The following CIDEA variants were observed in gnomAD, a reference collection of about 807,000 sequenced individuals.
CIDEA encodes lipid transferase CIDEA.
CIDEA carries 10 observed loss-of-function variants against 18.2 expected under a neutral mutation model. The observed-to-expected ratio is 0.55, with a 90% confidence interval of 0.34 to 0.93. CIDEA has a LOEUF of 0.93. CIDEA is among the 40% of genes least tolerant of loss of function. The pLI is 0.02. For missense variants in CIDEA, 309 were observed against 293.1 expected, an observed-to-expected ratio of 1.05 and a Z score of -0.40; for synonymous variants, 128 against 124.8, an observed-to-expected ratio of 1.03 and a Z score of -0.17.
At chr18:12,264,952 C>G (rs960069825) in intron 3 of CIDEA, among the ~76,000 whole-genome samples, 1 of 152,246 alleles carries the variant, frequency 6.6e-6, no homozygotes, top group African/African-American at 2.4e-5. Context: ...AACTTAGTCT[C>G]TCTGTGAACT....
At chr18:12,268,229 C>CTTTGTTTTTTT (rs1491473988) in intron 3 of CIDEA, among the ~76,000 whole-genome samples, 1 of 72,998 alleles carries the variant, frequency 1.4e-5, no homozygotes. Flanking sequence ...CATGCCCGGC[C>CTTTGTTTTTTT]ATTTTTTTTT....
chr18:12,261,932 G>A (rs12968524), intron 1 of CIDEA, among the ~76,000 whole-genome samples: 57,535 of 151,518 alleles, frequency 0.38, 12,389 homozygotes, highest in East Asian at 0.62. Flanking sequence ...GGGAGGCTGA[G>A]GCAGGAGGGA....
rs1185681106 is a variant in CIDEA, at chr18:12,277,174, C to T, written c.564C>T (p.Leu188=). The change falls in exon 5 of 5, where the codon CTC becomes CTT. Residue 188 remains leucine (L), a synonymous_variant. Transcript: ENST00000320477. ...SYSAQVTGQF[L]IYLGTYMLRV... Reference sequence around the variant, plus strand: ...CCGCCCAGGTGACGGGACAGTTTCTCATCTATCTGGGCACATACATGCTCC... The same window carrying T: ...CCGCCCAGGTGACGGGACAGTTTCTTATCTATCTGGGCACATACATGCTCC... The T allele has an allele frequency of 6.2e-7, 1 of 1,614,084 alleles. No homozygotes were observed. Among genetic ancestry groups the T allele is most frequent in the East Asian group, 2.2e-5 (1 of 44,898 alleles).
intron 1 of CIDEA, 101 bp downstream of exon 1, chr18:12,254,522 C>T (rs910606288): frequency 1.3e-5 from 20 of 1,537,584 alleles, no homozygotes; most frequent in Admixed American, 1.2e-4. Context: ...ACCCCGCTCC[C>T]TTCAGCCCCC....
chr18:12,262,703 TC>T, intron 1 of CIDEA, 121 bp from the exon 2 acceptor site: 1 of 943,210 alleles, frequency 1.1e-6, no homozygotes, highest in Non-Finnish European at 1.6e-6. Flanking sequence ...TTTTTAGTAA[TC>T]CCAACAACTG....
chr18:12,254,428 GCCCCGCGTCCCCCTGATTGCCGTGCGCTT>G lies in CIDEA; in HGVS notation c.38+10_38+38del. The G allele has an allele frequency of 1.3e-6, 2 of 1,592,768 alleles. No homozygotes were observed. The highest frequency in any genetic ancestry group is 1.7e-6 in the Non-Finnish European group (2 of 1,172,578). The stretch of plus-strand genomic sequence containing the variant: ...ATGCAGGAGCCCTCATCAGGCGAGT[GCCCCGCGTCCCCCTGATTGCCGTGCGCTT>G]CCAATCGCCTTGCGTTCGGTGGCCT... On this transcript the variant is annotated splice_region_variant and intron_variant, in intron 1 of 4. Transcript: ENST00000320477.
At chr18:12,273,393 G>A (rs1397190142) in intron 3 of CIDEA, among the ~76,000 whole-genome samples, 2 of 152,252 alleles carry the variant, frequency 1.3e-5, no homozygotes, top group Non-Finnish European at 2.9e-5. Flanking sequence ...TTGTACTGGG[G>A]GCAGCTTTGC....
At chr18:12,257,444 C>A (rs1912069613) in intron 1 of CIDEA, among the ~76,000 whole-genome samples, 1 of 152,160 alleles carries the variant, frequency 6.6e-6, no homozygotes, top group Non-Finnish European at 1.5e-5. Context: ...GTAAAGAAAG[C>A]TTTTTAATTC....
Position 12,277,253 on chromosome 18 carries a change from A to G in CIDEA, c.643A>G (p.Arg215Gly). ...RPSLRSQAKG[R>G]FTCG ...ATCCCTCCGGTCACAAGCCAAGGGC[A>G]GGTTCACGTGTGGATAGGGATGCAG... Residue 215 changes from arginine to glycine, a missense_variant, in exon 5 of 5, where the codon AGG becomes GGG. Transcript: ENST00000320477. The G allele has an allele frequency of 9.3e-6, 15 of 1,614,082 alleles. No individual in the cohort carries two copies. Among genetic ancestry groups the G allele is most frequent in the Non-Finnish European group, 1.2e-5 (14 of 1,180,002 alleles).
chr18:12,256,776 A>G (rs1020628488), intron 1 of CIDEA, among the ~76,000 whole-genome samples: 11 of 152,206 alleles, frequency 7.2e-5, no homozygotes, highest in African/African-American at 2.7e-4. Flanking sequence ...CTACAAGTCA[A>G]TCTCTCAGCT....
chr18:12,255,011 C>G lies in CIDEA; in HGVS notation c.38+590C>G, dbSNP rs7240075. 5.0e-5 allele frequency: 56 copies of G among 1,111,574 alleles called. No individual in the cohort carries two copies. The African/African-American group carries it at 8.7e-4, about 17-fold the overall frequency. The allele number at this position is 1,111,574 out of a possible 1,614,324, so 68.9% of individuals were successfully genotyped here. ...TTGCCTCCGGGTCCAAGGGCGGAGA[C>G]GCTGCCTGGGGAGCAGGGGGGACAA... On this transcript the variant is annotated intron_variant, in intron 1 of 4. Coordinates refer to ENST00000320477, the MANE Select transcript of CIDEA (RefSeq NM_001279.4).
chr18:12,254,465 C>T (rs748903056), intron 1 of CIDEA, 44 bp downstream of exon 1: 32 of 1,589,292 alleles, frequency 2.0e-5, no homozygotes, highest in Non-Finnish European at 1.3e-5. Flanking sequence ...CTTCCAATCG[C>T]CTTGCGTTCG....
At chr18:12,273,962 G>A (rs1488322173) in intron 3 of CIDEA, 131 bp from the exon 4 acceptor site, 7 of 911,982 alleles carry the variant, frequency 7.7e-6, no homozygotes, top group East Asian at 5.3e-5. Flanking sequence ...TCTCTCTATC[G>A]ATTAGCCACG....
chr18:12,255,159 T>C (rs1911994531), intron 1 of CIDEA, among the ~76,000 whole-genome samples: 1 of 152,246 alleles, frequency 6.6e-6, no homozygotes, highest in South Asian at 2.1e-4. Context: ...AGCCAATTCT[T>C]GGTAAAATCC....
intron 1 of CIDEA, 105 bp from the exon 2 acceptor site, chr18:12,262,718 TTC>T: frequency 9.2e-7 from 1 of 1,083,030 alleles, no homozygotes; most frequent in South Asian, 1.5e-5. Context: ...ACAACTGAAT[TTC>T]TTTCTTTTAG....
At chr18:12,266,399 G>C (rs1263970860) in intron 3 of CIDEA, among the ~76,000 whole-genome samples, 1 of 152,102 alleles carries the variant, frequency 6.6e-6, no homozygotes, top group African/African-American at 2.4e-5. Flanking sequence ...AGGCTGCAGA[G>C]AGTCATGATT....
In CIDEA at chr18:12,277,132, G is replaced by T; in HGVS notation, c.522G>T (p.Leu174=). ...TCTGCCTCTGCCACAGGAGTCTGCT[G>T]CGGTTCCTGTCCTACTCCGCCCAGG... ...TGLKGLLRSL[L]RFLSYSAQVT... The change falls in exon 5 of 5, where the codon CTG becomes CTT. Residue 174 remains leucine (L), a synonymous_variant. Coordinates refer to ENST00000320477, the MANE Select transcript of CIDEA (RefSeq NM_001279.4). The T allele has an allele frequency of 6.2e-7, 1 of 1,614,142 alleles. No homozygotes were observed.
intron 4 of CIDEA, among the ~76,000 whole-genome samples, chr18:12,275,230 G>A (rs1905291867): frequency 2.0e-5 from 3 of 152,324 alleles, no homozygotes; most frequent in South Asian, 2.1e-4. Context: ...GGCTGAGGCA[G>A]GAGAATTGTT....
chr18:12,275,009 CCTT>C (rs1912666029), intron 4 of CIDEA, among the ~76,000 whole-genome samples: 2 of 152,190 alleles, frequency 1.3e-5, no homozygotes, highest in South Asian at 4.1e-4. Context: ...CTTCTCTGAG[CCTT>C]GCTTTTATCA....
Sources: allele counts gnomAD v4.1 joint callset (sites outside exome capture counted in the v4.1 genomes callset), GRCh38; gene constraint gnomAD v4.1.1; transcripts MANE v1.5; gene names NCBI Gene and HGNC (gene_info 2026-07-23, HGNC 2026-07-21).